The following VPS8 variants were observed in gnomAD, a reference collection of about 807,000 sequenced individuals.
VPS8 encodes vacuolar protein sorting-associated protein 8 homolog.
In VPS8, 129 loss-of-function variants were observed where a neutral mutation model predicts 216.4. The observed-to-expected ratio is 0.60, with a 90% CI of 0.52 to 0.69. The LOEUF (loss-of-function observed/expected upper bound fraction) is 0.69. Ranked by LOEUF, VPS8 falls within the 30% of genes least tolerant of loss-of-function variation. The pLI, the probability that VPS8 is intolerant of heterozygous loss-of-function variation, is 0.00. For missense variants in VPS8, 1,531 were observed against 1,683.5 expected (o/e 0.91, Z 1.59); for synonymous variants, 571 against 565.4 (o/e 1.01, Z -0.14).
intron 22 of VPS8, among the ~76,000 whole-genome samples, chr3:184,892,526 T>A (rs1217574076): frequency 1.3e-5 from 2 of 152,214 alleles, no homozygotes; most frequent in Non-Finnish European, 2.9e-5. Flanking sequence ...CTAGCCTGTA[T>A]GTACTTTTCT....
At chr3:184,892,844 A>G (rs2108920074) in intron 22 of VPS8, among the ~76,000 whole-genome samples, 1 of 152,316 alleles carries the variant, frequency 6.6e-6, no homozygotes. Flanking sequence ...AAACTAAAAT[A>G]TATAATTATC....
chr3:184,961,366 C>T (rs1468735705), intron 37 of VPS8, among the ~76,000 whole-genome samples: 1 of 152,212 alleles, frequency 6.6e-6, no homozygotes, highest in East Asian at 1.9e-4. Context: ...GAATTGCCCA[C>T]ACATACTTTT....
chr3:184,895,024 C>T, intron 23 of VPS8, 99 bp downstream of exon 23: 1 of 986,112 alleles, frequency 1.0e-6, no homozygotes, highest in Admixed American at 2.9e-5. Flanking sequence ...CTTCTAAGAA[C>T]CGTAATTATT....
intron 1 of VPS8, among the ~76,000 whole-genome samples, chr3:184,814,297 G>A (rs1330673144): frequency 6.6e-6 from 1 of 152,140 alleles, no homozygotes; most frequent in Non-Finnish European, 1.5e-5. Context: ...TTCTGCAAAG[G>A]ACCAGTAACC....
chr3:184,957,498 T>C lies in VPS8; in HGVS notation c.3160T>C (p.Tyr1054His), dbSNP rs747294541. 6.2e-6 allele frequency: 10 copies of C among 1,611,530 alleles called. No individual in the cohort carries two copies. In the Admixed American group the frequency reaches 1.5e-4, roughly 24 times the overall value. Residue 1054 changes from tyrosine (Y) to histidine (H), a missense_variant, in exon 37 of 48, where the codon TAC (tyrosine) becomes CAC (histidine). By Grantham distance (83) the Tyr-to-His change is moderately conservative. This residue lies in a region of VPS8 where 1,318 missense variants were observed against 1,468.4 expected (regional missense o/e 0.90). Transcript: ENST00000625842. ...VIETLQVLEC[Y>H]RLEETIQITQ... is the part of the protein sequence containing the mutation. ...AGAGACTCTGCAAGTCCTTGAGTGC[T>C]ACCGTCTGGAAGAAACTATTCAGGT...
intron 21 of VPS8, among the ~76,000 whole-genome samples, chr3:184,878,361 G>A (rs530940233): frequency 2.0e-5 from 3 of 151,984 alleles, no homozygotes; most frequent in Non-Finnish European, 4.4e-5. Context: ...CACCCGCCTC[G>A]GCCTCCTAAA....
chr3:184,914,983 G>A lies in VPS8; in HGVS notation c.2192G>A (p.Cys731Tyr). ...MGNKLLVYIS[C>Y]CLAGRAYPLG... ...CCATTCTCATTCTTTTCTTCTAGCTGTTGTCTAGCAGGTCGTGCCTATCCC... is the reference window on the plus strand; with the variant it reads ...CCATTCTCATTCTTTTCTTCTAGCTATTGTCTAGCAGGTCGTGCCTATCCC... Residue 731 changes from cysteine to tyrosine, a missense_variant and splice_region_variant, in exon 27 of 48, where the codon TGT becomes TAT. Cys to Tyr is a radical substitution (Grantham distance 194). This residue lies in a region of VPS8 where 1,318 missense variants were observed against 1,468.4 expected (regional missense o/e 0.90). Transcript: ENST00000625842. 1 of 1,613,898 alleles carries A rather than the reference G, an allele frequency of 6.2e-7. No homozygotes were observed.
At chr3:184,931,489 G>C (rs574369315) in intron 34 of VPS8, among the ~76,000 whole-genome samples, 2 of 152,212 alleles carry the variant, frequency 1.3e-5, no homozygotes, top group African/African-American at 4.8e-5. Context: ...ATTTTTTATA[G>C]ATATGAAAAA....
intron 8 of VPS8, among the ~76,000 whole-genome samples, chr3:184,845,285 G>T (rs746930025): frequency 6.6e-6 from 1 of 151,962 alleles, no homozygotes; most frequent in Non-Finnish European, 1.5e-5. Context: ...GTTTATTTTG[G>T]TCAAATATTT....
At position 184,997,266 on chromosome 3, in the gene VPS8, C is replaced by T. The variant is rs184514680; in HGVS notation, c.3836+765C>T. 1.4e-4 allele frequency among the ~76,000 whole-genome samples: 21 copies of T among 152,310 alleles called. No individual in the cohort carries two copies. The South Asian group carries it at 1.5e-3, about 11-fold the overall frequency. On this transcript the variant is annotated intron_variant, in intron 44 of 47. Coordinates refer to ENST00000625842, the MANE Select transcript of VPS8 (RefSeq NM_001009921.3). ...ATGATATGGCCGTGGATCCAAACTT[C>T]CTGACTTCAAGTCTTGACTCTACTA...
intron 36 of VPS8, among the ~76,000 whole-genome samples, chr3:184,953,373 G>T (rs1056480781): frequency 1.3e-5 from 2 of 152,156 alleles, no homozygotes; most frequent in Admixed American, 1.3e-4. Flanking sequence ...TTGAAGTGGG[G>T]GTCCTATATG....
intron 37 of VPS8, among the ~76,000 whole-genome samples, chr3:184,961,424 A>G (rs1166836451): frequency 6.6e-6 from 1 of 152,220 alleles, no homozygotes; most frequent in Admixed American, 6.5e-5. Flanking sequence ...AATGTGCTGA[A>G]TATCAATTAT....
At chr3:184,821,335 T>G (rs1319677321) in intron 1 of VPS8, among the ~76,000 whole-genome samples, 1 of 151,574 alleles carries the variant, frequency 6.6e-6, no homozygotes, top group African/African-American at 2.4e-5. Context: ...ATGTCAGAAC[T>G]TTCTTCTCTA....
intron 46 of VPS8, among the ~76,000 whole-genome samples, chr3:185,035,160 A>G (rs1321753297): frequency 6.6e-6 from 1 of 152,204 alleles, no homozygotes; most frequent in Non-Finnish European, 1.5e-5. Flanking sequence ...GCCAAATTCT[A>G]TCGAATTATA....
chr3:184,875,840 A>G (rs1015756391), intron 21 of VPS8, among the ~76,000 whole-genome samples: 1 of 151,114 alleles, frequency 6.6e-6, no homozygotes, highest in Non-Finnish European at 1.5e-5. Flanking sequence ...AAAAAAAAAA[A>G]TTAGCTGGGA....
In VPS8 at chr3:184,852,724, A is replaced by G. The variant is rs532216956; in HGVS notation, c.821+157A>G. On this transcript the variant is annotated intron_variant, in intron 11 of 47. Coordinates refer to ENST00000625842, the MANE Select transcript of VPS8 (RefSeq NM_001009921.3). ...TGGGAAGGCTTATATTAATAGAACA[A>G]ACAGAGTTCTGGGCCTGGTCCTCCC... Among the ~76,000 whole-genome samples, 20 of 152,304 alleles carry G rather than the reference A, an allele frequency of 1.3e-4. No homozygotes were observed. In the South Asian group the frequency reaches 1.5e-3, roughly 11 times the overall value.
intron 34 of VPS8, among the ~76,000 whole-genome samples, chr3:184,934,001 A>G (rs963816494): frequency 6.6e-6 from 1 of 152,196 alleles, no homozygotes; most frequent in Non-Finnish European, 1.5e-5. Context: ...CGTGATTATG[A>G]CAGGCATTGC....
chr3:184,859,789 A>G (rs1934243368), intron 14 of VPS8, among the ~76,000 whole-genome samples, 196 bp from the exon 15 acceptor site: 1 of 152,172 alleles, frequency 6.6e-6, no homozygotes, highest in Admixed American at 6.5e-5. Context: ...TATGCCCTGC[A>G]TTTTGGTGTA....
At chr3:184,866,224 A>T (rs1577972519) in intron 16 of VPS8, among the ~76,000 whole-genome samples, 2 of 152,246 alleles carry the variant, frequency 1.3e-5, no homozygotes, top group East Asian at 1.9e-4. Flanking sequence ...CACAGTAAAA[A>T]GTATGACAGC....
Sources: allele counts gnomAD v4.1 joint callset (sites outside exome capture counted in the v4.1 genomes callset), GRCh38; gene constraint gnomAD v4.1.1; regional missense constraint gnomAD v4.1.1; transcripts MANE v1.5; gene names NCBI Gene and HGNC (gene_info 2026-07-23, HGNC 2026-07-21).